The following ZSWIM6 variants were observed in gnomAD, a reference collection of about 807,000 sequenced individuals.
ZSWIM6 encodes the protein zinc finger SWIM domain-containing protein 6.
A neutral mutation model predicts 113.2 loss-of-function variants in ZSWIM6; 9 were observed. That is an observed-to-expected ratio of 0.08 (90% CI 0.05 to 0.14). The LOEUF is 0.14. Among genes scored for constraint, ZSWIM6 ranks in the 10% least tolerant of loss-of-function variants. ZSWIM6 has a pLI of 1.00. For missense variants in ZSWIM6, 1,162 were observed against 1,552.2 expected (o/e 0.75, Z 4.22); for synonymous variants, 611 against 606.5 (o/e 1.01, Z -0.11).
intron 6 of ZSWIM6, 46 bp from the exon 7 acceptor site, chr5:61,526,204 A>T: frequency 2.6e-6 from 4 of 1,514,628 alleles, no homozygotes; most frequent in Admixed American, 2.4e-5. Flanking sequence ...TTTTTTATGG[A>T]TATATCTGAC....
At chr5:61,514,294 T>A (rs10052429) in intron 4 of ZSWIM6, among the ~76,000 whole-genome samples, 1 of 151,576 alleles carries the variant, frequency 6.6e-6, no homozygotes, top group African/African-American at 2.4e-5. Context: ...TCATTTGAAC[T>A]TATCTAATAT....
rs959143479 is a variant in ZSWIM6, at chr5:61,545,523, G to T, written c.*1206G>T. Reference sequence around the variant, plus strand: ...TGACATAATGATACATTACGCCTTTGCAGTGAGCTAATAATAAGCTAACCT... The same window carrying T: ...TGACATAATGATACATTACGCCTTTTCAGTGAGCTAATAATAAGCTAACCT... On this transcript the variant is annotated 3_prime_UTR_variant, in exon 14 of 14. Transcript: ENST00000252744. The T allele has an allele frequency of 2.6e-5, 4 of 151,984 alleles. No individual in the cohort carries two copies. The highest frequency in any genetic ancestry group is 9.7e-5 in the African/African-American group (4 of 41,362). The allele number at this position is 151,984 out of a possible 1,614,324, so 9.4% of individuals were successfully genotyped here.
intron 1 of ZSWIM6, among the ~76,000 whole-genome samples, chr5:61,471,531 T>G (rs1747570954): frequency 6.6e-6 from 1 of 152,148 alleles, no homozygotes; most frequent in Non-Finnish European, 1.5e-5. Flanking sequence ...GGTGAGTGCC[T>G]CATGTGTGGA....
chr5:61,529,192 A>G (rs181950211), intron 7 of ZSWIM6, among the ~76,000 whole-genome samples: 16 of 152,272 alleles, frequency 1.1e-4, no homozygotes, highest in South Asian at 2.1e-4. Context: ...GGGCAACAAG[A>G]GTGAAACTCC....
At chr5:61,477,979 G>A (rs535795685) in intron 2 of ZSWIM6, among the ~76,000 whole-genome samples, 53 of 152,260 alleles carry the variant, frequency 3.5e-4, no homozygotes, top group Middle Eastern at 6.8e-3. Context: ...TCTGATGGAG[G>A]ACTCATGTCA....
At chr5:61,340,818 C>T (rs996374706) in intron 1 of ZSWIM6, among the ~76,000 whole-genome samples, 1 of 152,104 alleles carries the variant, frequency 6.6e-6, no homozygotes, top group Non-Finnish European at 1.5e-5. Flanking sequence ...TAAATGTATT[C>T]CTAGATAGCA....
At chr5:61,397,302 A>G (rs1745857331) in intron 1 of ZSWIM6, among the ~76,000 whole-genome samples, 1 of 152,238 alleles carries the variant, frequency 6.6e-6, no homozygotes, top group African/African-American at 2.4e-5. Context: ...GTTTTCTTAA[A>G]TTTAAATACA....
intron 4 of ZSWIM6, among the ~76,000 whole-genome samples, chr5:61,497,071 G>A (rs564674111): frequency 1.4e-5 from 2 of 147,654 alleles, no homozygotes; most frequent in South Asian, 2.2e-4. Context: ...TGGTGGATTC[G>A]TTGGGTCCAT....
At chr5:61,424,165 T>G (rs553485965) in intron 1 of ZSWIM6, among the ~76,000 whole-genome samples, 11 of 152,238 alleles carry the variant, frequency 7.2e-5, no homozygotes, top group African/African-American at 2.6e-4. Flanking sequence ...GGAGCAGAAG[T>G]TAGAAGGAGA....
chr5:61,503,648 C>G (rs1015195505), intron 4 of ZSWIM6, among the ~76,000 whole-genome samples: 1 of 152,052 alleles, frequency 6.6e-6, no homozygotes, highest in Non-Finnish European at 1.5e-5. Context: ...CTCCCAAGAG[C>G]ACAAAGTCTG....
chr5:61,495,034 C>T (rs1001194733), intron 4 of ZSWIM6, among the ~76,000 whole-genome samples: 8 of 152,188 alleles, frequency 5.3e-5, no homozygotes, highest in South Asian at 2.1e-4. Context: ...CAATGTTCAT[C>T]GCTAGGGAAA....
intron 1 of ZSWIM6, among the ~76,000 whole-genome samples, chr5:61,339,722 T>C (rs1172546600): frequency 1.3e-5 from 2 of 152,162 alleles, no homozygotes; most frequent in African/African-American, 4.8e-5. Context: ...TTTAAAAAGG[T>C]AGTAAACAGT....
At chr5:61,357,609 A>G (rs964118930) in intron 1 of ZSWIM6, among the ~76,000 whole-genome samples, 2 of 151,770 alleles carry the variant, frequency 1.3e-5, no homozygotes, top group Non-Finnish European at 2.9e-5. Flanking sequence ...GGCAGTGATC[A>G]GCTCACTTGA....
At position 61,447,581 on chromosome 5, in the gene ZSWIM6, AAG is replaced by A. The variant is rs1580001246; in HGVS notation, c.677-25092_677-25091del. Among the ~76,000 whole-genome samples, 4 of 152,256 alleles carry A rather than the reference AAG, an allele frequency of 2.6e-5. No individual in the cohort carries two copies. In the East Asian group the frequency reaches 7.8e-4, roughly 30 times the overall value. The stretch of plus-strand genomic sequence containing the variant: ...AGGCAGTCAGGCAGCAGCGTGGCCA[AAG>A]AGAGAGACGAAAACCCACCTCCAGC... On this transcript the variant is annotated intron_variant, in intron 1 of 13. Coordinates refer to ENST00000252744, the MANE Select transcript of ZSWIM6 (RefSeq NM_020928.2).
rs1749848151 is a variant in ZSWIM6 at position 61,544,994 on chromosome 5, GA to G, written c.*681del. The G allele has an allele frequency of 6.6e-6, 1 of 151,216 alleles. No individual in the cohort carries two copies. Among genetic ancestry groups the G allele is most frequent in the Non-Finnish European group, 1.5e-5 (1 of 67,928 alleles). The allele number at this position is 151,216 out of a possible 1,614,324, so 9.4% of individuals were successfully genotyped here. On this transcript the variant is annotated 3_prime_UTR_variant, in exon 14 of 14. Coordinates refer to ENST00000252744, the MANE Select transcript of ZSWIM6 (RefSeq NM_020928.2). ...ATATTATAGTATATGTCTGAATATT[GA>G]AAATATAACATTAACTAATTTATAA... is the stretch of plus-strand genomic sequence containing the variant.
chr5:61,348,580 A>G (rs1368969774), intron 1 of ZSWIM6, among the ~76,000 whole-genome samples: 1 of 152,130 alleles, frequency 6.6e-6, no homozygotes, highest in Non-Finnish European at 1.5e-5. Context: ...TATTGGCTTT[A>G]CCACATTTAA....
At chr5:61,377,694 C>T (rs1020869714) in intron 1 of ZSWIM6, among the ~76,000 whole-genome samples, 14 of 149,976 alleles carry the variant, frequency 9.3e-5, no homozygotes, top group Non-Finnish European at 1.0e-4. Flanking sequence ...TCCAGCCTGG[C>T]GACAGAGCGA....
intron 1 of ZSWIM6, among the ~76,000 whole-genome samples, chr5:61,377,585 C>T (rs1005703299): frequency 2.6e-5 from 4 of 151,988 alleles, no homozygotes. Flanking sequence ...GGCGTGGCGG[C>T]ATGTACCTGT....
chr5:61,396,309 G>A (rs752019606), intron 1 of ZSWIM6, among the ~76,000 whole-genome samples: 6 of 152,160 alleles, frequency 3.9e-5, no homozygotes, highest in South Asian at 2.1e-4. Flanking sequence ...TGAGGCAGGC[G>A]GATCACAAGG....
Sources: gnomAD v4.1 joint callset for allele counts (sites outside exome capture counted in the v4.1 genomes callset) on GRCh38, gnomAD v4.1.1 for gene constraint, MANE v1.5 for transcripts, NCBI Gene and HGNC (gene_info 2026-07-23, HGNC 2026-07-21) for gene names.